The following LRRC9 variants were observed in gnomAD, a reference collection of about 807,000 sequenced individuals.
LRRC9 encodes leucine-rich repeat-containing protein 9.
LRRC9 carries 122 observed loss-of-function variants against 63.2 expected under a neutral mutation model. The observed-to-expected ratio is 1.93, with a 90% CI of 1.67 to 2.24. LRRC9 has a LOEUF of 2.24. Ranked by LOEUF, LRRC9 falls within the 30% of genes most tolerant of loss-of-function variation. The probability of loss-of-function intolerance (pLI) is 0.00; values close to 1 mark genes in which losing one functional copy is unlikely to be tolerated. For missense variants in LRRC9, 1,071 were observed against 627.7 expected, an observed-to-expected ratio of 1.71 and a Z score of -7.55; for synonymous variants, 366 against 213.1, an observed-to-expected ratio of 1.72 and a Z score of -6.25.
chr14:59,997,566 G>A (rs781741106), intron 17 of LRRC9, 90 bp from the exon 18 acceptor site: 1 of 586,080 alleles, frequency 1.7e-6, no homozygotes, highest in African/African-American at 1.9e-5. Context: ...ACCAGGAAGT[G>A]TGTAAAGTAT....
In LRRC9 at chr14:59,974,595, C is replaced by T. The variant is rs768243672; in HGVS notation, c.1526C>T (p.Ala509Val). ...TTGCAGCTGCCTCTCAAAAAAGAAG[C>T]CATCATTGTTTCTAACAGTCTAAGT... Residue 509 changes from alanine to valine, a missense_variant, in exon 13 of 32, where the codon GCC (alanine) becomes GTC (valine). By Grantham distance (64) the Ala-to-Val change is moderately conservative (BLOSUM62 0). Transcript: ENST00000445360. 2.3e-5 allele frequency: 15 copies of T among 651,732 alleles called. 1 individual carries two copies. Among genetic ancestry groups the T allele is most frequent in the Middle Eastern group, 2.4e-4 (1 of 4,166 alleles). 40.4% of individuals were successfully genotyped at this position (651,732 alleles called of 1,614,324 possible). A position where few individuals can be genotyped will look rare whatever the true frequency, so the allele number is the denominator to read the frequency against.
intron 27 of LRRC9, among the ~76,000 whole-genome samples, chr14:60,023,839 C>A (rs1440111103): frequency 6.6e-6 from 1 of 152,094 alleles, no homozygotes; most frequent in Non-Finnish European, 1.5e-5. Context: ...ATGTTCCCCT[C>A]CCTGTGTCCA....
intron 27 of LRRC9, among the ~76,000 whole-genome samples, chr14:60,025,036 T>C (rs1431249290): frequency 6.6e-6 from 1 of 151,864 alleles, no homozygotes; most frequent in African/African-American, 2.4e-5. Context: ...GATTTTTGTT[T>C]TTGTGTTTTT....
At chr14:59,975,714 G>C (rs994096206) in intron 13 of LRRC9, among the ~76,000 whole-genome samples, 4 of 152,144 alleles carry the variant, frequency 2.6e-5, no homozygotes, top group Non-Finnish European at 4.4e-5. Context: ...TAAAATCATA[G>C]TTATCATATA....
intron 8 of LRRC9, 72 bp downstream of exon 8, chr14:59,944,816 T>C (rs1368128652): frequency 1.8e-6 from 1 of 568,000 alleles, no homozygotes; most frequent in Non-Finnish European, 3.1e-6. Flanking sequence ...GCAAGCAATA[T>C]CTTTTAAATT....
intron 7 of LRRC9, among the ~76,000 whole-genome samples, chr14:59,944,116 CATTCTTTT>C (rs1882081385): frequency 6.6e-6 from 1 of 151,858 alleles, no homozygotes; most frequent in Non-Finnish European, 1.5e-5. Context: ...CTCAGCCTAA[CATTCTTTT>C]ATACATTTGA....
intron 23 of LRRC9, among the ~76,000 whole-genome samples, chr14:60,011,563 A>G (rs1890261978): frequency 6.6e-6 from 1 of 152,172 alleles, no homozygotes; most frequent in East Asian, 1.9e-4. Context: ...GATTTTCACT[A>G]TGTATGGTTT....
chr14:59,942,050 G>A lies in LRRC9; in HGVS notation c.727-2539G>A, dbSNP rs1454364389. ...ATGTTTTTAGTTCTCATACGTGAGT[G>A]ATAACATGCAGTCTTTATTTTTCTG... is the stretch of plus-strand genomic sequence containing the variant. On this transcript the variant is annotated intron_variant, in intron 7 of 31. Transcript: ENST00000445360. The surrounding 1 kb of genome is among the most constrained non-coding windows in gnomAD (Gnocchi z 5.3). Among the ~76,000 whole-genome samples, 1 of 152,124 alleles carries A rather than the reference G, an allele frequency of 6.6e-6. No homozygotes were observed. The highest frequency in any genetic ancestry group is 2.4e-5 in the African/African-American group (1 of 41,408).
At chr14:60,037,439 C>G (rs1160484939) in intron 29 of LRRC9, among the ~76,000 whole-genome samples, 1 of 152,176 alleles carries the variant, frequency 6.6e-6, no homozygotes, top group Non-Finnish European at 1.5e-5. Context: ...TGTTTCCTGA[C>G]TTTTTAATGA....
intron 30 of LRRC9, among the ~76,000 whole-genome samples, chr14:60,056,649 T>C (rs571187503): frequency 9.1e-4 from 139 of 152,264 alleles, no homozygotes; most frequent in Admixed American, 1.8e-3. Context: ...CTTTATTAAA[T>C]ATTATTTTTT....
chr14:59,972,001 G>A (rs1468319366), intron 12 of LRRC9, among the ~76,000 whole-genome samples: 1 of 152,094 alleles, frequency 6.6e-6, no homozygotes, highest in Non-Finnish European at 1.5e-5. Flanking sequence ...ATGTAATGAT[G>A]ATGTCCACAT....
chr14:59,955,280 CT>C (rs1883616390), intron 8 of LRRC9, among the ~76,000 whole-genome samples: 1 of 152,102 alleles, frequency 6.6e-6, no homozygotes, highest in East Asian at 1.9e-4. Flanking sequence ...TCCTGGACTT[CT>C]TTTGATTGGT....
chr14:59,978,229 TTA>T lies in LRRC9; in HGVS notation c.1878+99_1878+100del, dbSNP rs772590226. 1.5e-3 allele frequency: 987 copies of T among 641,290 alleles called. 5 individuals carry two copies. Among genetic ancestry groups the T allele is most frequent in the Admixed American group, 1.5e-3 (68 of 43,930 alleles). The allele number at this position is 641,290 out of a possible 1,614,324, so 39.7% of individuals were successfully genotyped here. ...CGAATAATGCTATGTCAAGTTTATA[TTA>T]TGTGCATGTGTGTATAATTGTTATT... On this transcript the variant is annotated intron_variant, in intron 15 of 31. Transcript: ENST00000445360.
In LRRC9 at chr14:59,967,313, G is replaced by A. The variant is rs1884961405; in HGVS notation, c.1506+100G>A. 4 of 471,894 alleles carry A rather than the reference G, an allele frequency of 8.5e-6. No homozygotes were observed. The East Asian group carries it at 1.2e-4, about 14-fold the overall frequency. The allele number at this position is 471,894 out of a possible 1,614,324, so 29.2% of individuals were successfully genotyped here. On this transcript the variant is annotated intron_variant, in intron 12 of 31. Coordinates refer to ENST00000445360, the Ensembl canonical transcript of LRRC9. ...CCCAATCCTTTTATCCATATTTATA[G>A]TAAATTTCTACTGCTGTTTCACAAA...
rs566187154 is a variant in LRRC9, at chr14:60,026,597, T to A, written c.3704-1287T>A. Among the ~76,000 whole-genome samples the A allele has an allele frequency of 6.6e-5, 10 of 152,226 alleles. No individual in the cohort carries two copies. In the South Asian group the frequency reaches 2.1e-3, roughly 32 times the overall value. ...AGCTTGATGCAGTCCCATTTGTCCA[T>A]TTTTGCTTTGGTTGCCTGTGCTTTT... On this transcript the variant is annotated intron_variant, in intron 27 of 31. Coordinates refer to ENST00000445360, the Ensembl canonical transcript of LRRC9.
At chr14:59,928,483 A>G (rs1183366922) in exon 3 of LRRC9, 3 of 664,108 alleles carry the variant, frequency 4.5e-6, no homozygotes, top group African/African-American at 1.8e-5. Flanking sequence ...AGTGCTGCAT[A>G]GAGGTAAGTG....
intron 12 of LRRC9, among the ~76,000 whole-genome samples, chr14:59,972,049 C>T (rs1036063515): frequency 2.0e-5 from 3 of 152,148 alleles, no homozygotes; most frequent in Non-Finnish European, 2.9e-5. Context: ...ACAACCCTCA[C>T]AATCTATCTT....
intron 29 of LRRC9, among the ~76,000 whole-genome samples, chr14:60,049,069 G>A (rs1893679862): frequency 6.6e-6 from 1 of 152,096 alleles, no homozygotes; most frequent in South Asian, 2.1e-4. Flanking sequence ...ACAGGCCTTT[G>A]ATAAAGTTCA....
intron 3 of LRRC9, among the ~76,000 whole-genome samples, chr14:59,929,437 G>A (rs945194957): frequency 1.3e-5 from 2 of 151,974 alleles, no homozygotes; most frequent in South Asian, 4.1e-4. Flanking sequence ...ACAGATGCTG[G>A]CAAAGTTGTG....
Sources: gnomAD v4.1 joint callset for allele counts (sites outside exome capture counted in the v4.1 genomes callset) on GRCh38, gnomAD v4.1.1 for gene constraint, Gnocchi (gnomAD v3.1) non-coding constraint, MANE v1.5 for transcripts, NCBI Gene and HGNC (gene_info 2026-07-23, HGNC 2026-07-21) for gene names.